The following NYAP2 variants were observed in gnomAD, a reference collection of about 807,000 sequenced individuals.
NYAP2 encodes the protein neuronal tyrosine-phosphorylated phosphoinositide-3-kinase adapter 2.
A neutral mutation model predicts 50.4 loss-of-function variants in NYAP2; 23 were observed. That is an observed-to-expected ratio of 0.46 (90% CI 0.33 to 0.65). The LOEUF (loss-of-function observed/expected upper bound fraction) is 0.65. Among genes scored for constraint, NYAP2 ranks in the 30% least tolerant of loss-of-function variants. The pLI is 0.02. For synonymous variants in NYAP2, 394 were observed against 365.2 expected (o/e 1.08, Z -0.90); for missense variants, 885 against 861.0 (o/e 1.03, Z -0.35).
chr2:225,700,877 A>AT, the NYAP2 span: 1 of 151,836 alleles, frequency 6.6e-6, no homozygotes, highest in Non-Finnish European at 1.5e-5. Context: ...AAGTACTAAA[A>AT]TGATCTGTGT....
chr2:225,466,066 C>G (rs909293067), intron 3 of NYAP2, among the ~76,000 whole-genome samples: 1 of 152,186 alleles, frequency 6.6e-6, no homozygotes. Context: ...GAACCAGCCA[C>G]GTGAATGGCT....
At chr2:225,591,153 G>A (rs949175853) in intron 5 of NYAP2, among the ~76,000 whole-genome samples, 5 of 152,102 alleles carry the variant, frequency 3.3e-5, no homozygotes, top group Non-Finnish European at 5.9e-5. Flanking sequence ...CAGAACAAAG[G>A]TGTGCTATCT....
intron 5 of NYAP2, among the ~76,000 whole-genome samples, chr2:225,602,748 G>A (rs1373147348): frequency 6.6e-6 from 1 of 152,074 alleles, no homozygotes; most frequent in Admixed American, 6.6e-5. Flanking sequence ...TTGGCAGTTG[G>A]TGAGAATCAT....
chr2:225,536,754 GTCTTAT>G (rs1204402844), intron 4 of NYAP2, among the ~76,000 whole-genome samples: 1 of 151,076 alleles, frequency 6.6e-6, no homozygotes, highest in Non-Finnish European at 1.5e-5. Context: ...CAAGTAGGAG[GTCTTAT>G]TCATTCTTTC....
chr2:225,652,955 A>T (rs1296384186), exon 7 of NYAP2: 1 of 152,214 alleles, frequency 6.6e-6, no homozygotes, highest in Non-Finnish European at 1.5e-5. Context: ...ACCATTTAGA[A>T]TTTCTTGTGT....
intron 5 of NYAP2, among the ~76,000 whole-genome samples, chr2:225,601,964 T>A (rs1409777024): frequency 6.6e-6 from 1 of 152,202 alleles, no homozygotes; most frequent in East Asian, 1.9e-4. Context: ...CCAAATGCAG[T>A]CTTGTTGTCT....
chr2:225,450,294 A>G (rs1424325560), intron 3 of NYAP2, among the ~76,000 whole-genome samples: 1 of 152,164 alleles, frequency 6.6e-6, no homozygotes, highest in African/African-American at 2.4e-5. Context: ...GAATAGATTT[A>G]ATGGACTTTT....
At chr2:225,651,718 A>G (rs1457202135) in exon 7 of NYAP2, 5 of 778,594 alleles carry the variant, frequency 6.4e-6, no homozygotes, top group East Asian at 2.6e-5. Flanking sequence ...TTGAAAAAGA[A>G]TATCTTTCTT....
downstream of NYAP2, among the ~76,000 whole-genome samples, chr2:225,657,042 G>A (rs1287505980): frequency 6.6e-6 from 1 of 151,562 alleles, no homozygotes; most frequent in South Asian, 2.1e-4. Flanking sequence ...TGTGAGAAAG[G>A]CTAACAACAA....
intron 5 of NYAP2, among the ~76,000 whole-genome samples, chr2:225,607,044 A>G (rs1176493503): frequency 1.3e-5 from 2 of 152,140 alleles, no homozygotes; most frequent in African/African-American, 4.8e-5. Context: ...GGACTTCAGT[A>G]GGGGGACACT....
chr2:225,656,028 G>A (rs948718502), downstream of NYAP2, among the ~76,000 whole-genome samples: 1 of 151,716 alleles, frequency 6.6e-6, no homozygotes, highest in Non-Finnish European at 1.5e-5. Context: ...GAATTACAAA[G>A]CTAAGAGTGA....
intron 5 of NYAP2, among the ~76,000 whole-genome samples, chr2:225,589,504 T>G (rs1692452017): frequency 8.4e-6 from 1 of 118,468 alleles, no homozygotes; most frequent in East Asian, 2.3e-4. Flanking sequence ...ACTATATCTC[T>G]ACTAAAAGTA....
In NYAP2 at chr2:225,500,089, T is replaced by C. The variant is rs575803739; in HGVS notation, c.222-13282T>C. Among the ~76,000 whole-genome samples the C allele has an allele frequency of 2.6e-5, 4 of 152,322 alleles. No individual in the cohort carries two copies. The South Asian group carries it at 8.3e-4, about 32-fold the overall frequency. On this transcript the variant is annotated intron_variant, in intron 3 of 6. Transcript: ENST00000636099. Reference sequence around the variant, plus strand: ...AGCATACCAGAGGAAAAAATATAGTTAATGATGTAGAGAAATTGAAATATG... The same window carrying C: ...AGCATACCAGAGGAAAAAATATAGTCAATGATGTAGAGAAATTGAAATATG...
At chr2:225,403,455 G>C (rs143417907) in intron 2 of NYAP2, among the ~76,000 whole-genome samples, 1 of 151,774 alleles carries the variant, frequency 6.6e-6, no homozygotes, top group Non-Finnish European at 1.5e-5. Flanking sequence ...TATAATAATC[G>C]CACAAAATAA....
Position 225,579,129 on chromosome 2 carries a change from G to C in NYAP2, c.524-2812G>C, listed in dbSNP as rs143298331. Among the ~76,000 whole-genome samples the C allele has an allele frequency of 2.9e-3, 432 of 151,404 alleles. 1 individual carries two copies. The highest frequency in any genetic ancestry group is 9.4e-3 in the African/African-American group (389 of 41,170). On this transcript the variant is annotated intron_variant, in intron 4 of 6. Coordinates refer to ENST00000636099, the Ensembl canonical transcript of NYAP2. ...AGAGAGAGAGAGAGAGAACTCTGCT[G>C]TCTCTTCTTATAATCAATCACATCA... is the stretch of plus-strand genomic sequence containing the variant.
chr2:225,489,204 A>T lies in NYAP2; in HGVS notation c.222-24167A>T, dbSNP rs554566899. Among the ~76,000 whole-genome samples, 153 of 148,508 alleles carry T rather than the reference A, an allele frequency of 1.0e-3. 1 individual carries two copies. The highest frequency in any genetic ancestry group is 3.8e-3 in the African/African-American group (147 of 39,010). On this transcript the variant is annotated intron_variant, in intron 3 of 6. Transcript: ENST00000636099. ...CTTTCTTTCTTTCTTTTATTTATTT[A>T]TTTTTTTTAAGAGTTTTGCTTTGTC...
At chr2:225,579,464 C>T (rs774710026) in intron 4 of NYAP2, among the ~76,000 whole-genome samples, 13 of 152,180 alleles carry the variant, frequency 8.5e-5, no homozygotes, top group South Asian at 2.1e-4. Flanking sequence ...GTATGCTGCA[C>T]TCTGCAATAG....
intron 4 of NYAP2, among the ~76,000 whole-genome samples, chr2:225,572,650 A>G (rs1692094099): frequency 1.3e-5 from 2 of 152,364 alleles, no homozygotes; most frequent in South Asian, 2.1e-4. Context: ...GTCAAATCAT[A>G]TTAGAAACAT....
intron 5 of NYAP2, among the ~76,000 whole-genome samples, chr2:225,585,210 T>C (rs1232940797): frequency 6.7e-6 from 1 of 148,782 alleles, no homozygotes; most frequent in Non-Finnish European, 1.5e-5. Flanking sequence ...AGAGAAAATA[T>C]TTTTTAAACA....
Sources: gnomAD v4.1 joint callset for allele counts (sites outside exome capture counted in the v4.1 genomes callset) on GRCh38, gnomAD v4.1.1 for gene constraint, MANE v1.5 for transcripts, NCBI Gene and HGNC (gene_info 2026-07-23, HGNC 2026-07-21) for gene names.